The following TBC1D9 variants were observed in gnomAD, a reference collection of about 807,000 sequenced individuals.
TBC1D9 encodes TBC1 domain family member 9, also known as TBC1 domain family member 9A.
TBC1D9 carries 63 observed loss-of-function variants against 132.0 expected under a neutral mutation model. The ratio of observed to expected loss-of-function variants is 0.48; its 90% CI spans 0.39 to 0.59. The LOEUF is 0.59. Ranked by LOEUF, TBC1D9 falls within the 20% of genes least tolerant of loss-of-function variation. The pLI, the probability that TBC1D9 is intolerant of heterozygous loss-of-function variation, is 0.00. For synonymous variants in TBC1D9, 610 were observed against 609.9 expected (o/e 1.00, Z 0.00); for missense variants, 1,261 against 1,592.7 (o/e 0.79, Z 3.54).
rs555127754 is a variant in TBC1D9, at chr4:140,715,723, A to T, written c.131-14109T>A. ...AGAGATACAGTAGCAGCCTGGCTTGATTCCTGGGAGTTTCGTGGAACCTCA... is the reference window on the plus strand; with the variant it reads ...AGAGATACAGTAGCAGCCTGGCTTGTTTCCTGGGAGTTTCGTGGAACCTCA... On this transcript the variant is annotated intron_variant, in intron 1 of 20. Transcript: ENST00000442267. 7.2e-5 allele frequency: 11 copies of T among 152,328 alleles called. 1 individual carries two copies. In the East Asian group the frequency reaches 2.1e-3, roughly 29 times the overall value. 9.4% of individuals were successfully genotyped at this position (152,328 alleles called of 1,614,324 possible). A position where few individuals can be genotyped will look rare whatever the true frequency, so the allele number is the denominator to read the frequency against.
At chr4:140,707,830 C>T (rs1200124036) in intron 1 of TBC1D9, among the ~76,000 whole-genome samples, 2 of 151,978 alleles carry the variant, frequency 1.3e-5, no homozygotes, top group Non-Finnish European at 2.9e-5. Flanking sequence ...TGCATGTGTC[C>T]CTGTTTTCTC....
At chr4:140,742,531 C>CAAAAA (rs35891616) in intron 1 of TBC1D9, among the ~76,000 whole-genome samples, 3 of 63,448 alleles carry the variant, frequency 4.7e-5, no homozygotes, top group Non-Finnish European at 8.6e-5. Context: ...GACTCTGTCT[C>CAAAAA]AAAAAAAAAA....
intron 20 of TBC1D9, 21 bp downstream of exon 20, chr4:140,624,095 A>T: frequency 6.4e-7 from 1 of 1,570,304 alleles, no homozygotes; most frequent in South Asian, 1.2e-5. Context: ...GAAGCGAATG[A>T]TTTGAACTTT....
chr4:140,680,289 C>T (rs1051279396), intron 3 of TBC1D9, among the ~76,000 whole-genome samples: 1 of 152,162 alleles, frequency 6.6e-6, no homozygotes, highest in African/African-American at 2.4e-5. Context: ...GCTCCACACT[C>T]ACTGTCTCAG....
At chr4:140,637,997 A>G (rs891483) in intron 15 of TBC1D9, among the ~76,000 whole-genome samples, 2,865 of 152,348 alleles carry the variant, frequency 0.019, 50 homozygotes, top group Middle Eastern at 0.034. Flanking sequence ...GCACTTTACC[A>G]GGCACTAGTG....
Position 140,642,813 on chromosome 4 carries a change from C to A in TBC1D9, c.2338-3385G>T, listed in dbSNP as rs1241601962. On this transcript the variant is annotated intron_variant, in intron 13 of 20. Coordinates refer to ENST00000442267, the MANE Select transcript of TBC1D9 (RefSeq NM_015130.3). ...TTTCCGCTACTGTTGCAGTTCTTCC[C>A]CCTCTTGCGGGCGGGCGACAGGGCT... is the stretch of plus-strand genomic sequence containing the variant. 2.1e-5 allele frequency: 13 copies of A among 613,590 alleles called. No homozygotes were observed. In the East Asian group the frequency reaches 3.5e-4, roughly 17 times the overall value. 38.0% of individuals were successfully genotyped at this position (613,590 alleles called of 1,614,324 possible).
chr4:140,660,048 C>A (rs1450759703), intron 10 of TBC1D9, among the ~76,000 whole-genome samples: 1 of 152,312 alleles, frequency 6.6e-6, no homozygotes, highest in South Asian at 2.1e-4. Context: ...AAGCTTTTAA[C>A]CTGCTAAAAT....
In TBC1D9 at chr4:140,634,103, T is replaced by A; in HGVS notation, c.2591A>T (p.Tyr864Phe). The change falls in exon 16 of 21, where the codon TAT becomes TTT. Residue 864 changes from tyrosine (Y) to phenylalanine (F), a missense_variant. Coordinates refer to ENST00000442267, the MANE Select transcript of TBC1D9 (RefSeq NM_015130.3). ...HDPSLPYLEQ[Y>F]RIDFEQFKGM... ...CTTGAACTGCTCGAAGTCAATGCGATACTGTTCCAGGTAGGGCAGGCTGGG... is the reference window on the plus strand; with the variant it reads ...CTTGAACTGCTCGAAGTCAATGCGAAACTGTTCCAGGTAGGGCAGGCTGGG... 6.2e-7 allele frequency: 1 copy of A among 1,614,038 alleles called. No homozygotes were observed. Among genetic ancestry groups the A allele is most frequent in the Non-Finnish European group, 8.5e-7 (1 of 1,179,894 alleles).
chr4:140,638,872 G>C (rs975950077), intron 15 of TBC1D9, among the ~76,000 whole-genome samples: 1 of 152,088 alleles, frequency 6.6e-6, no homozygotes, highest in African/African-American at 2.4e-5. Context: ...TAAACAACTA[G>C]AATATTATAT....
intron 13 of TBC1D9, chr4:140,642,354 CT>C: frequency 2.4e-6 from 2 of 830,376 alleles, no homozygotes; most frequent in Non-Finnish European, 4.1e-6. Context: ...TTTGGCGGCC[CT>C]TTTGTGTTTA....
Position 140,635,318 on chromosome 4 carries a change from A to T in TBC1D9, c.2506-1130T>A, listed in dbSNP as rs1410109971. On this transcript the variant is annotated intron_variant, in intron 15 of 20. Transcript: ENST00000442267. ...CATACTGAGACCCTGTCTCTATGAA[A>T]AAAAAGTTTAAAAAGTAGCTGGGCA... Among the ~76,000 whole-genome samples, 5 of 152,190 alleles carry T rather than the reference A, an allele frequency of 3.3e-5. No homozygotes were observed. In the East Asian group the frequency reaches 5.8e-4, roughly 18 times the overall value.
chr4:140,644,021 G>C (rs546119581), intron 13 of TBC1D9: 278 of 488,392 alleles, frequency 5.7e-4, no homozygotes, highest in South Asian at 2.1e-3. Context: ...TCTTGGAGGG[G>C]GACAGGAGGA....
chr4:140,718,500 C>T (rs1560895187), intron 1 of TBC1D9, among the ~76,000 whole-genome samples: 1 of 152,130 alleles, frequency 6.6e-6, no homozygotes, highest in Admixed American at 6.6e-5. Flanking sequence ...CTCATACCTC[C>T]TTAGCTCTTC....
chr4:140,643,453 C>A, intron 13 of TBC1D9: 1 of 923,100 alleles, frequency 1.1e-6, no homozygotes, highest in Non-Finnish European at 1.8e-6. Context: ...TCAGAGCTTG[C>A]CTCTTCCAGG....
Position 140,639,078 on chromosome 4 carries a change from C to G in TBC1D9, c.2505+8G>C. The G allele has an allele frequency of 6.3e-7, 1 of 1,580,080 alleles. No homozygotes were observed. ...TTTGAATGGGCATGAATTTACCTTG[C>G]AACTCACCTTGAAAAGAGCATAAAG... On this transcript the variant is annotated splice_region_variant and intron_variant, in intron 15 of 20. Transcript: ENST00000442267.
At chr4:140,642,838 T>A (rs6537003) in intron 13 of TBC1D9, 1 of 583,192 alleles carries the variant, frequency 1.7e-6, no homozygotes, top group South Asian at 2.3e-5. Flanking sequence ...GCGACAGGGC[T>A]CTCGGGGGCG....
chr4:140,626,439 A>G (rs955133600), intron 18 of TBC1D9, among the ~76,000 whole-genome samples: 53 of 152,264 alleles, frequency 3.5e-4, no homozygotes, highest in African/African-American at 1.3e-3. Flanking sequence ...CACTCTCTCT[A>G]CAGAAATCAC....
chr4:140,662,387 C>T (rs922381150), intron 9 of TBC1D9, among the ~76,000 whole-genome samples: 4 of 152,206 alleles, frequency 2.6e-5, no homozygotes, highest in Admixed American at 1.3e-4. Context: ...GGAACTCCCA[C>T]AGACAGTCCT....
At chr4:140,703,980 T>C (rs1363705542) in intron 1 of TBC1D9, among the ~76,000 whole-genome samples, 1 of 152,178 alleles carries the variant, frequency 6.6e-6, no homozygotes, top group Non-Finnish European at 1.5e-5. Flanking sequence ...TAATTGAGTG[T>C]TTGTAATACC....
Sources: allele counts gnomAD v4.1 joint callset (sites outside exome capture counted in the v4.1 genomes callset), GRCh38; gene constraint gnomAD v4.1.1; transcripts MANE v1.5; gene names NCBI Gene and HGNC (gene_info 2026-07-23, HGNC 2026-07-21).